Variants in ADAM18 observed in about 807,000 individuals in gnomAD.
ADAM18 encodes the protein disintegrin and metalloproteinase domain-containing protein 18.
Under a neutral mutation model 94.4 loss-of-function variants are expected in ADAM18, and 117 were observed. The observed-to-expected ratio is 1.24, with a 90% CI of 1.07 to 1.45. ADAM18 has a LOEUF of 1.45. Among genes scored for constraint, ADAM18 ranks in the 40% most tolerant of loss-of-function variants. ADAM18 has a pLI of 0.00. For synonymous variants in ADAM18, 327 were observed against 291.6 expected, an observed-to-expected ratio of 1.12 and a Z score of -1.24; for missense variants, 936 against 880.0, an observed-to-expected ratio of 1.06 and a Z score of -0.81.
rs1822869189 is a variant in ADAM18, at chr8:39,725,206, T to C, written c.2177+1299T>C. On this transcript the variant is annotated intron_variant, in intron 19 of 19. Coordinates refer to ENST00000265707, the MANE Select transcript of ADAM18 (RefSeq NM_014237.3). ...AGTATAATTGATATACAAATACGTA[T>C]ACATACTTAATATATACATCTTGAT... 2.0e-5 allele frequency among the ~76,000 whole-genome samples: 3 copies of C among 152,072 alleles called. 1 individual carries two copies. In the South Asian group the frequency reaches 6.2e-4, roughly 31 times the overall value.
chr8:39,637,318 A>G lies in ADAM18; in HGVS notation c.643A>G (p.Ile215Val). ...TGTAACACAAAAAATTGTCCAGGTT[A>G]TTGGGCTTGTCAACACTGTAAGTTT... is the stretch of plus-strand genomic sequence containing the variant. ...MAVTQKIVQV[I>V]GLVNTMFTQF... The change falls in exon 8 of 20, where the codon ATT (isoleucine) becomes GTT (valine). Residue 215 changes from isoleucine (I) to valine (V), a missense_variant. Ile to Val is a conservative substitution (Grantham distance 29). Coordinates refer to ENST00000265707, the MANE Select transcript of ADAM18 (RefSeq NM_014237.3). 6.2e-7 allele frequency: 1 copy of G among 1,606,420 alleles called. No homozygotes were observed. The highest frequency in any genetic ancestry group is 1.1e-5 in the South Asian group (1 of 89,504).
chr8:39,712,870 T>G (rs1822455553), intron 18 of ADAM18, among the ~76,000 whole-genome samples: 1 of 152,186 alleles, frequency 6.6e-6, no homozygotes, highest in Non-Finnish European at 1.5e-5. Context: ...CTGCCCAAAG[T>G]AATTTGTAGA....
rs1197281627 is a variant in ADAM18 at position 39,607,279 on chromosome 8, C to G, written c.188+917C>G. Among the ~76,000 whole-genome samples, 4 of 152,296 alleles carry G rather than the reference C, an allele frequency of 2.6e-5. No homozygotes were observed. In the East Asian group the frequency reaches 5.8e-4, roughly 22 times the overall value. ...GTTAGCCTCTTTCTCACTCACAACT[C>G]CAAGCAACAATCTACTGTTTGTATC... On this transcript the variant is annotated intron_variant, in intron 3 of 19. Transcript: ENST00000265707.
chr8:39,722,215 GTGTATATATATATATATATATATA>G (rs879419328), intron 18 of ADAM18, among the ~76,000 whole-genome samples: 1,380 of 68,040 alleles, frequency 0.02, 13 homozygotes, highest in African/African-American at 0.036. Flanking sequence ...GTGTGTGTGT[GTGTATATATATATATATATATATA>G]TATATATATA....
intron 12 of ADAM18, among the ~76,000 whole-genome samples, chr8:39,663,068 T>G (rs1410027091): frequency 6.6e-6 from 1 of 152,200 alleles, no homozygotes; most frequent in Admixed American, 6.5e-5. Flanking sequence ...CACTCTAACT[T>G]TATTTACAAT....
Position 39,729,980 on chromosome 8 carries a change from G to A in ADAM18, c.*40G>A, listed in dbSNP as rs756684413. On this transcript the variant is annotated 3_prime_UTR_variant, in exon 20 of 20. Transcript: ENST00000265707. The stretch of plus-strand genomic sequence containing the variant: ...TCCATAGCAAATAACCTAAAGGAAC[G>A]AATGTGCTTTATTTATAACCTTACG... The A allele has an allele frequency of 2.5e-6, 4 of 1,577,452 alleles. No homozygotes were observed. The highest frequency in any genetic ancestry group is 2.7e-5 in the African/African-American group (2 of 74,052).
intron 16 of ADAM18, among the ~76,000 whole-genome samples, chr8:39,684,656 G>A (rs1341694179): frequency 6.6e-6 from 1 of 152,190 alleles, no homozygotes; most frequent in African/African-American, 2.4e-5. Flanking sequence ...TGTCTGTGCT[G>A]GCCTCACTCT....
intron 18 of ADAM18, among the ~76,000 whole-genome samples, chr8:39,717,863 C>T (rs1179736311): frequency 6.6e-6 from 1 of 151,354 alleles, no homozygotes; most frequent in Non-Finnish European, 1.5e-5. Flanking sequence ...ATCCCTATGA[C>T]CTAATAGTGA....
chr8:39,637,392 G>A, intron 8 of ADAM18, 57 bp downstream of exon 8: 1 of 1,525,506 alleles, frequency 6.6e-7, no homozygotes, highest in Non-Finnish European at 8.9e-7. Flanking sequence ...AATATAATTT[G>A]GGTTCTATCT....
At chr8:39,667,247 C>T (rs1267393979) in intron 13 of ADAM18, among the ~76,000 whole-genome samples, 1 of 151,440 alleles carries the variant, frequency 6.6e-6, no homozygotes, top group African/African-American at 2.4e-5. Context: ...ACTAAAAATA[C>T]AAAAATTAGC....
At chr8:39,619,596 T>TA (rs1774891968) in intron 6 of ADAM18, among the ~76,000 whole-genome samples, 1 of 152,064 alleles carries the variant, frequency 6.6e-6, no homozygotes, top group African/African-American at 2.4e-5. Flanking sequence ...TATATGCCAA[T>TA]AATAACCTAT....
At chr8:39,693,496 CAA>C (rs1821839352) in intron 17 of ADAM18, among the ~76,000 whole-genome samples, 1 of 150,992 alleles carries the variant, frequency 6.6e-6, no homozygotes, top group South Asian at 2.1e-4. Context: ...TATCTCAACA[CAA>C]AGTTATGCAA....
intron 7 of ADAM18, among the ~76,000 whole-genome samples, chr8:39,629,920 T>G (rs1819886007): frequency 6.6e-6 from 1 of 151,902 alleles, no homozygotes; most frequent in Non-Finnish European, 1.5e-5. Flanking sequence ...AGTCAGTATC[T>G]CTTTGACTTT....
intron 12 of ADAM18, among the ~76,000 whole-genome samples, chr8:39,649,350 T>A (rs10110653): frequency 0.73 from 110,936 of 151,932 alleles, 41,294 homozygotes; most frequent in Middle Eastern, 0.79. Context: ...AAATGTATGT[T>A]GTACATATAT....
At chr8:39,719,217 C>T (rs563959597) in intron 18 of ADAM18, among the ~76,000 whole-genome samples, 4 of 151,286 alleles carry the variant, frequency 2.6e-5, no homozygotes, top group Admixed American at 6.6e-5. Context: ...AATAAATGTT[C>T]AAAGCAATAC....
At chr8:39,603,917 C>A (rs1217775579) in intron 2 of ADAM18, among the ~76,000 whole-genome samples, 1 of 152,138 alleles carries the variant, frequency 6.6e-6, no homozygotes, top group Non-Finnish European at 1.5e-5. Context: ...TTCACAGAAA[C>A]TTTCTAGTTT....
intron 14 of ADAM18, among the ~76,000 whole-genome samples, chr8:39,670,489 G>A (rs1035298491): frequency 6.6e-6 from 1 of 152,108 alleles, no homozygotes; most frequent in African/African-American, 2.4e-5. Context: ...GTTACATTAA[G>A]TTTGCATTCT....
chr8:39,620,357 C>CAAAAAAAAAAAAAAAACAAAAAAAA (rs1819574465), intron 6 of ADAM18, among the ~76,000 whole-genome samples: 1 of 90,566 alleles, frequency 1.1e-5, no homozygotes, highest in Non-Finnish European at 2.1e-5. Context: ...GCAACAAAAG[C>CAAAAAAAAAAAAAAAACAAAAAAAA]AAAAAAAAAA....
chr8:39,663,283 G>C (rs1820894008), intron 12 of ADAM18, among the ~76,000 whole-genome samples: 1 of 151,878 alleles, frequency 6.6e-6, no homozygotes, highest in Non-Finnish European at 1.5e-5. Flanking sequence ...TGTACCTGTG[G>C]CTATTCTAGA....
Sources: allele counts gnomAD v4.1 joint callset (sites outside exome capture counted in the v4.1 genomes callset), GRCh38; gene constraint gnomAD v4.1.1; transcripts MANE v1.5; gene names NCBI Gene and HGNC (gene_info 2026-07-23, HGNC 2026-07-21).